Variants in GOLGA4 observed in about 807,000 individuals in gnomAD.
The protein encoded by GOLGA4 is golgin subfamily A member 4.
A neutral mutation model predicts 265.9 loss-of-function variants in GOLGA4; 169 were observed. The ratio of observed to expected loss-of-function variants is 0.64; its 90% CI spans 0.56 to 0.72. The LOEUF is 0.72. Ranked by LOEUF, GOLGA4 falls within the 30% of genes least tolerant of loss-of-function variation. The probability of loss-of-function intolerance (pLI) is 0.00; values close to 1 mark genes in which losing one functional copy is unlikely to be tolerated. For missense variants in GOLGA4, 2,482 were observed against 2,483.4 expected, an observed-to-expected ratio of 1.00 and a Z score of 0.01; for synonymous variants, 923 against 855.8, an observed-to-expected ratio of 1.08 and a Z score of -1.37.
In GOLGA4 at chr3:37,327,755, A is replaced by G; in HGVS notation, c.5869A>G (p.Arg1957Gly). 6.2e-7 allele frequency: 1 copy of G among 1,612,628 alleles called. No homozygotes were observed. The highest frequency in any genetic ancestry group is 8.5e-7 in the Non-Finnish European group (1 of 1,178,660). ...ATTGCAGAAAGACCTTCGAATGTTGAGAAAGGAGCATCAGCAAGAATTGGA... is the reference window on the plus strand; with the variant it reads ...ATTGCAGAAAGACCTTCGAATGTTGGGAAAGGAGCATCAGCAAGAATTGGA... ...VRLQKDLRML[R>G]KEHQQELEIL... The change falls in exon 14 of 24, where the codon AGA (arginine) becomes GGA (glycine). Residue 1957 changes from arginine to glycine, a missense_variant. Transcript: ENST00000361924.
chr3:37,327,175 T>G lies in GOLGA4; in HGVS notation c.5289T>G (p.Val1763=). ...TAGGGCAGGAAAAAGAAGAGACAGT[T>G]TCTTCTCATTTTGAAATGCGATGCC... The part of the protein sequence containing the change: ...QRVGQEKEET[V]SSHFEMRCQY... Residue 1763 remains valine (V), a synonymous_variant, in exon 14 of 24, where the codon GTT becomes GTG. Transcript: ENST00000361924. 6.2e-7 allele frequency: 1 copy of G among 1,613,864 alleles called. No individual in the cohort carries two copies. Among genetic ancestry groups the G allele is most frequent in the Non-Finnish European group, 8.5e-7 (1 of 1,179,860 alleles).
At chr3:37,350,855 T>A (rs949499535) in intron 21 of GOLGA4, among the ~76,000 whole-genome samples, 3 of 152,082 alleles carry the variant, frequency 2.0e-5, no homozygotes, top group African/African-American at 7.2e-5. Flanking sequence ...TAAAAAAAAA[T>A]GCTAACATTC....
chr3:37,305,496 T>G (rs1258262187), intron 10 of GOLGA4, among the ~76,000 whole-genome samples: 1 of 152,198 alleles, frequency 6.6e-6, no homozygotes, highest in Non-Finnish European at 1.5e-5. Context: ...AATGTAAAGG[T>G]ATATGCCAAT....
intron 1 of GOLGA4, 60 bp downstream of exon 1, chr3:37,243,682 C>A (rs1434866120): frequency 2.2e-6 from 3 of 1,382,472 alleles, no homozygotes; most frequent in Admixed American, 1.8e-5. Context: ...GGCCCGCGGA[C>A]GAAAGAGGCG....
intron 12 of GOLGA4, chr3:37,319,736 A>G (rs894420335): frequency 2.6e-5 from 4 of 152,190 alleles, no homozygotes; most frequent in African/African-American, 7.2e-5. Flanking sequence ...TTTTTAAAAC[A>G]TTTAAAAAAT....
chr3:37,287,782 A>G (rs2096853772), intron 4 of GOLGA4, among the ~76,000 whole-genome samples: 1 of 152,210 alleles, frequency 6.6e-6, no homozygotes, highest in African/African-American at 2.4e-5. Flanking sequence ...TTTTGGGGAA[A>G]AGAACTTTGG....
intron 1 of GOLGA4, among the ~76,000 whole-genome samples, chr3:37,247,528 A>G (rs1486986517): frequency 6.6e-6 from 1 of 152,238 alleles, no homozygotes; most frequent in African/African-American, 2.4e-5. Flanking sequence ...GTATAGGGAC[A>G]AGGGATTCAA....
intron 2 of GOLGA4, among the ~76,000 whole-genome samples, chr3:37,257,963 A>G (rs574538067): frequency 1.9e-5 from 2 of 106,594 alleles, no homozygotes; most frequent in East Asian, 2.4e-4. Context: ...GTATATATGT[A>G]TATATACATA....
At chr3:37,287,705 A>G (rs1375233612) in intron 4 of GOLGA4, 1 of 152,276 alleles carries the variant, frequency 6.6e-6, no homozygotes, top group Non-Finnish European at 1.5e-5. Flanking sequence ...CATTCTCAGC[A>G]TGGCATGTTC....
chr3:37,342,892 T>C (rs1347056144), intron 20 of GOLGA4, among the ~76,000 whole-genome samples: 1 of 152,202 alleles, frequency 6.6e-6, no homozygotes, highest in Non-Finnish European at 1.5e-5. Flanking sequence ...TCATCAGTGC[T>C]GGATATATAA....
At chr3:37,345,195 G>A (rs1309993598) in intron 20 of GOLGA4, among the ~76,000 whole-genome samples, 1 of 152,164 alleles carries the variant, frequency 6.6e-6, no homozygotes, top group Non-Finnish European at 1.5e-5. Flanking sequence ...GGGTGACAGT[G>A]AGACCCTGTC....
intron 2 of GOLGA4, among the ~76,000 whole-genome samples, chr3:37,264,747 T>A (rs144669160): frequency 1.3e-5 from 2 of 152,164 alleles, no homozygotes; most frequent in African/African-American, 4.8e-5. Context: ...CTCACTCTTT[T>A]GCTCAGGCTG....
At chr3:37,246,122 G>A (rs1055394661) in intron 1 of GOLGA4, among the ~76,000 whole-genome samples, 5 of 151,688 alleles carry the variant, frequency 3.3e-5, no homozygotes, top group South Asian at 2.1e-4. Context: ...AGGCCAAGGC[G>A]GGCGGATCAC....
chr3:37,362,217 ATTTATTTATTTATTTAT>A (rs1696334461), intron 23 of GOLGA4, among the ~76,000 whole-genome samples: 1 of 145,862 alleles, frequency 6.9e-6, no homozygotes, highest in Non-Finnish European at 1.5e-5. Context: ...TTATTTATTT[ATTTATTTATTTATTTAT>A]TTATTATTTT....
intron 5 of GOLGA4, 76 bp from the exon 6 acceptor site, chr3:37,294,903 C>T (rs2096874098): frequency 2.4e-6 from 2 of 843,266 alleles, no homozygotes; most frequent in Non-Finnish European, 3.8e-6. Context: ...CTGTATTCAA[C>T]ATGTTTTTAA....
rs543562750 is a variant in GOLGA4, at chr3:37,348,192, A to G, written c.6576+896A>G. 2.4e-4 allele frequency among the ~76,000 whole-genome samples: 37 copies of G among 152,320 alleles called. No individual in the cohort carries two copies. The South Asian group carries it at 7.5e-3, about 31-fold the overall frequency. On this transcript the variant is annotated intron_variant, in intron 21 of 23. Coordinates refer to ENST00000361924, the MANE Select transcript of GOLGA4 (RefSeq NM_002078.5). Reference sequence around the variant, plus strand: ...TATATTTAAAACCTAAAAAGCAAATATCTTAAAATAATATTATAAAAGGAA... The same window carrying G: ...TATATTTAAAACCTAAAAAGCAAATGTCTTAAAATAATATTATAAAAGGAA...
intron 20 of GOLGA4, among the ~76,000 whole-genome samples, chr3:37,341,387 A>G (rs1194086536): frequency 6.6e-6 from 1 of 152,220 alleles, no homozygotes. Flanking sequence ...TATGGGAAGC[A>G]TGAGGACATA....
intron 3 of GOLGA4, among the ~76,000 whole-genome samples, chr3:37,283,499 T>C (rs9857674): frequency 0.37 from 56,660 of 152,042 alleles, 11,167 homozygotes; most frequent in Non-Finnish European, 0.44. Flanking sequence ...GTATGCTAGA[T>C]ACTGTGTATT....
chr3:37,314,080 T>TGGGATTACAG (rs2096930556), intron 10 of GOLGA4, among the ~76,000 whole-genome samples: 1 of 151,942 alleles, frequency 6.6e-6, no homozygotes, highest in South Asian at 2.1e-4. Flanking sequence ...GTGATTCTAC[T>TGGGATTACAG]GCCTCAGACT....
Sources: allele counts gnomAD v4.1 joint callset (sites outside exome capture counted in the v4.1 genomes callset), GRCh38; gene constraint gnomAD v4.1.1; transcripts MANE v1.5; gene names NCBI Gene and HGNC (gene_info 2026-07-23, HGNC 2026-07-21).